CA10: variants seen among roughly 807,000 people sequenced by gnomAD.
CA10 encodes the protein carbonic anhydrase-related protein 10.
CA10 carries 14 observed loss-of-function variants against 44.2 expected under a neutral mutation model. The observed-to-expected ratio is 0.32, with a 90% CI of 0.21 to 0.50. The LOEUF (loss-of-function observed/expected upper bound fraction) is 0.50. CA10 is among the 20% of genes least tolerant of loss of function. CA10 has a pLI of 0.99. For synonymous variants in CA10, 159 were observed against 141.6 expected (o/e 1.12, Z -0.87); for missense variants, 350 against 409.7 (o/e 0.85, Z 1.26).
intron 1 of CA10, among the ~76,000 whole-genome samples, chr17:52,128,533 C>T (rs1019486471): frequency 2.6e-5 from 4 of 152,154 alleles, no homozygotes; most frequent in Non-Finnish European, 5.9e-5. Flanking sequence ...CTTCTAGATA[C>T]GAATGGCTTC....
intron 3 of CA10, among the ~76,000 whole-genome samples, chr17:51,818,360 C>T (rs1329609528): frequency 6.6e-6 from 1 of 152,194 alleles, no homozygotes; most frequent in East Asian, 1.9e-4. Context: ...GCATCTGACT[C>T]TTTTTATTTA....
chr17:52,089,534 G>T (rs1194955651), intron 1 of CA10, among the ~76,000 whole-genome samples: 2 of 151,810 alleles, frequency 1.3e-5, no homozygotes, highest in Non-Finnish European at 2.9e-5. Context: ...CTCTGCAGGG[G>T]ATTATGTTCC....
At chr17:51,722,216 A>C (rs937996842) in intron 4 of CA10, among the ~76,000 whole-genome samples, 2 of 152,236 alleles carry the variant, frequency 1.3e-5, no homozygotes, top group African/African-American at 4.8e-5. Flanking sequence ...CTTTTACAGC[A>C]TGATTTCAGA....
At chr17:52,070,851 T>C (rs2143131821) in intron 2 of CA10, among the ~76,000 whole-genome samples, 1 of 152,316 alleles carries the variant, frequency 6.6e-6, no homozygotes, top group South Asian at 2.1e-4. Flanking sequence ...GTTCTACCCA[T>C]GGGCATGTCA....
At chr17:51,814,676 A>G (rs2143746896) in intron 3 of CA10, among the ~76,000 whole-genome samples, 1 of 152,324 alleles carries the variant, frequency 6.6e-6, no homozygotes, top group South Asian at 2.1e-4. Context: ...AAGACTAAGC[A>G]ATTTGATCAA....
At chr17:52,014,835 A>C (rs1452407044) in intron 2 of CA10, among the ~76,000 whole-genome samples, 1 of 152,048 alleles carries the variant, frequency 6.6e-6, no homozygotes, top group African/African-American at 2.4e-5. Context: ...TGATTCAGAG[A>C]AATGCGTATT....
chr17:52,110,426 C>T (rs760598573), intron 1 of CA10, among the ~76,000 whole-genome samples: 16 of 152,194 alleles, frequency 1.1e-4, no homozygotes, highest in Non-Finnish European at 1.9e-4. Flanking sequence ...AATAGGAAAA[C>T]AGTTATTGTA....
intron 3 of CA10, among the ~76,000 whole-genome samples, chr17:51,914,189 T>C (rs1456652440): frequency 2.6e-5 from 4 of 152,122 alleles, no homozygotes; most frequent in Non-Finnish European, 2.9e-5. Context: ...ACACCCCAGC[T>C]GCAAAAACAG....
intron 2 of CA10, among the ~76,000 whole-genome samples, chr17:52,060,164 TC>T (rs1190090828): frequency 6.6e-6 from 1 of 152,076 alleles, no homozygotes; most frequent in Non-Finnish European, 1.5e-5. Flanking sequence ...AGGGAACCTT[TC>T]CCCAAAACTC....
chr17:51,846,771 C>A (rs1483667000), intron 3 of CA10, among the ~76,000 whole-genome samples: 5 of 152,206 alleles, frequency 3.3e-5, no homozygotes, highest in Admixed American at 1.3e-4. Context: ...GCTTGCTCTA[C>A]CGCTGTGGGC....
intron 2 of CA10, among the ~76,000 whole-genome samples, chr17:52,042,544 CT>C (rs1986800356): frequency 2.0e-5 from 3 of 151,830 alleles, no homozygotes; most frequent in Non-Finnish European, 2.9e-5. Context: ...TTCTCCCATT[CT>C]ATAGTTTGCC....
At chr17:51,933,367 G>T (rs1327682912) in intron 2 of CA10, among the ~76,000 whole-genome samples, 2 of 152,044 alleles carry the variant, frequency 1.3e-5, no homozygotes, top group African/African-American at 4.8e-5. Flanking sequence ...ACAGAGGTCA[G>T]CCAGGAGAGA....
At chr17:52,136,517 G>A (rs1989361985) in intron 1 of CA10, among the ~76,000 whole-genome samples, 2 of 152,084 alleles carry the variant, frequency 1.3e-5, no homozygotes, top group African/African-American at 2.4e-5. Context: ...CTAGCTTCAC[G>A]GTCAAGGAAT....
At chr17:51,868,644 G>GT (rs1253339334) in intron 3 of CA10, among the ~76,000 whole-genome samples, 2 of 152,048 alleles carry the variant, frequency 1.3e-5, no homozygotes, top group Admixed American at 6.5e-5. Flanking sequence ...TTTGATTCCT[G>GT]TTTTTTTCTC....
At chr17:52,038,723 T>C (rs1986686780) in intron 2 of CA10, among the ~76,000 whole-genome samples, 1 of 152,140 alleles carries the variant, frequency 6.6e-6, no homozygotes, top group Non-Finnish European at 1.5e-5. Flanking sequence ...GGAACAACTC[T>C]CTGTATCTAA....
chr17:51,946,391 T>G (rs971654790), intron 2 of CA10, among the ~76,000 whole-genome samples: 9 of 152,156 alleles, frequency 5.9e-5, no homozygotes, highest in African/African-American at 2.2e-4. Context: ...CAGATGCTTG[T>G]AGTATCTCTG....
chr17:52,027,133 A>G (rs1598173829), intron 2 of CA10, among the ~76,000 whole-genome samples: 1 of 152,066 alleles, frequency 6.6e-6, no homozygotes, highest in South Asian at 2.1e-4. Flanking sequence ...GCATTAGATT[A>G]TCATAAGGAG....
intron 3 of CA10, among the ~76,000 whole-genome samples, chr17:51,861,407 A>G (rs918207129): frequency 9.2e-5 from 14 of 152,124 alleles, no homozygotes; most frequent in Admixed American, 2.0e-4. Flanking sequence ...GAGAGAAAAA[A>G]GATGTACATA....
chr17:51,905,551 T>C (rs867048789), intron 3 of CA10, among the ~76,000 whole-genome samples: 282 of 136,476 alleles, frequency 2.1e-3, no homozygotes, highest in African/African-American at 8.1e-3. Flanking sequence ...TTTTTTTTTT[T>C]ACAACTCTAC....
Sources: gnomAD v4.1 joint callset for allele counts (sites outside exome capture counted in the v4.1 genomes callset) on GRCh38, gnomAD v4.1.1 for gene constraint, MANE v1.5 for transcripts, NCBI Gene and HGNC (gene_info 2026-07-23, HGNC 2026-07-21) for gene names.